CXorf66: variants seen among roughly 807,000 people sequenced by gnomAD.
The protein encoded by CXorf66 is chromosome X open reading frame 66, also known as uncharacterized protein CXorf66.
A neutral mutation model predicts 5.0 loss-of-function variants in CXorf66; 6 were observed. The ratio of observed to expected loss-of-function variants is 1.20; its 90% CI spans 0.65 to 2.36. CXorf66 has a LOEUF of 2.36. CXorf66 is among the 30% of genes most tolerant of loss of function. The pLI is 0.00. For synonymous variants in CXorf66, 98 were observed against 102.8 expected (o/e 0.95, Z 0.28); for missense variants, 270 against 254.9 (o/e 1.06, Z -0.40).
rs189569862 is a variant in CXorf66, at chrX:139,963,080, G to A, written c.88+2329C>T. 9.1e-4 allele frequency among the ~76,000 whole-genome samples: 101 copies of A among 111,374 alleles called. 1 individual carries two copies. The highest frequency in any genetic ancestry group is 2.9e-3 in the African/African-American group (90 of 30,663). On this transcript the variant is annotated intron_variant, in intron 1 of 2. Transcript: ENST00000370540. ...TGGAACTTCTGGCCAGGGCAATCGG[G>A]CCAGAAATAAAAGCGTATTCAAATA...
intron 2 of CXorf66, 31 bp downstream of exon 2, chrX:139,958,033 C>T (rs1254569806): frequency 1.7e-6 from 2 of 1,165,069 alleles, no homozygotes; most frequent in Admixed American, 2.5e-5. Flanking sequence ...ACACACACCT[C>T]GCACTCTTAA....
intron 1 of CXorf66, among the ~76,000 whole-genome samples, chrX:139,959,832 C>T (rs764114647): frequency 9.0e-6 from 1 of 111,508 alleles, no homozygotes; most frequent in Non-Finnish European, 1.9e-5. Flanking sequence ...AGAAGAGGGG[C>T]CTGATTGTTA....
intron 1 of CXorf66, among the ~76,000 whole-genome samples, chrX:139,958,831 C>G (rs1261616788): frequency 1.8e-5 from 2 of 112,167 alleles, no homozygotes; most frequent in African/African-American, 6.5e-5. Context: ...GTGCAAGGAG[C>G]CAGGGGCCTC....
chrX:139,956,078 T>A lies in CXorf66; in HGVS notation c.904A>T (p.Lys302Ter). ...KNTQNLHVSS[K>*]VKSSSRSFRK... ...AAGGACCTGGAAGAGGACTTGACTT[T>A]GCTTGAAACATGTAGGTTTTGAGTG... is the stretch of plus-strand genomic sequence containing the variant. Residue 302 changes from lysine (K) to a stop codon, truncating the protein, a stop_gained, in exon 3 of 3, where the codon AAA (lysine) becomes TAA (stop). Transcript: ENST00000370540. LOFTEE classifies it low-confidence loss of function (END_TRUNC). 8.3e-7 allele frequency: 1 copy of A among 1,211,347 alleles called. No individual in the cohort carries two copies. Among genetic ancestry groups the A allele is most frequent in the African/African-American group, 1.7e-5 (1 of 57,916 alleles).
Position 139,958,070 on chromosome X carries a change from G to C in CXorf66, c.236C>G (p.Ala79Gly). 1 of 1,197,807 alleles carries C rather than the reference G, an allele frequency of 8.3e-7. No individual in the cohort carries two copies. The highest frequency in any genetic ancestry group is 1.1e-6 in the Non-Finnish European group (1 of 890,069). The change falls in exon 2 of 3, where the codon GCA (alanine) becomes GGA (glycine). Residue 79 changes from alanine (A) to glycine (G), a missense_variant. Ala to Gly is a moderately conservative substitution (Grantham distance 60). Transcript: ENST00000370540. ...TTAAAGGAGTAAAACTTACATTCCT[G>C]CTTTGGACGCATCATCGCTCAGACA... ...YNCLSDDASKAGMVKKKGIAA... is the reference protein window; with the variant it reads ...YNCLSDDASKGGMVKKKGIAA...
chrX:139,957,027 G>A lies in CXorf66; in HGVS notation c.243-288C>T, dbSNP rs769340285. 6.3e-5 allele frequency among the ~76,000 whole-genome samples: 7 copies of A among 110,823 alleles called. No homozygotes were observed. The South Asian group carries it at 2.7e-3, about 43-fold the overall frequency. The stretch of plus-strand genomic sequence containing the variant: ...CTAAAAATACAAAAATTAGCCTGGT[G>A]TGGTGGCGCACACCTGTAGTCCCCA... On this transcript the variant is annotated intron_variant, in intron 2 of 2. Transcript: ENST00000370540.
chrX:139,961,840 T>G (rs2085594469), intron 1 of CXorf66, among the ~76,000 whole-genome samples: 1 of 111,458 alleles, frequency 9.0e-6, no homozygotes, highest in Non-Finnish European at 1.9e-5. Context: ...ATAACAAAAT[T>G]AAGTCAGAAA....
intron 1 of CXorf66, among the ~76,000 whole-genome samples, chrX:139,961,267 C>G (rs1436256965): frequency 9.0e-6 from 1 of 111,477 alleles, no homozygotes; most frequent in Non-Finnish European, 1.9e-5. Flanking sequence ...CCAAAAAAAG[C>G]AGGGGTTGCA....
At chrX:139,958,433 G>T (rs2085581874) in intron 1 of CXorf66, among the ~76,000 whole-genome samples, 1 of 111,501 alleles carries the variant, frequency 9.0e-6, no homozygotes, top group Admixed American at 9.5e-5. Flanking sequence ...CCATTACCTG[G>T]GTTATCCCTG....
chrX:139,959,837 T>C (rs6654178), intron 1 of CXorf66, among the ~76,000 whole-genome samples: 16,552 of 110,946 alleles, frequency 0.15, 1,220 homozygotes, highest in East Asian at 0.39. Flanking sequence ...AGGGGCCTGA[T>C]TGTTAGAAGA....
At position 139,958,166 on chromosome X, in the gene CXorf66, T is replaced by C. The variant is rs2085580788; in HGVS notation, c.140A>G (p.Asn47Ser). ...GATAATACCAACTAAAATGAGTAGA[T>C]TTCTTCTAAGGTAGTTCAATTTTGT... ...MQTKLNYLRR[N>S]LLILVGIIIM... is the part of the protein sequence containing the mutation. Residue 47 changes from asparagine to serine, a missense_variant, in exon 2 of 3, where the codon AAT (asparagine) becomes AGT (serine). Asn to Ser is a conservative substitution (Grantham distance 46). Transcript: ENST00000370540. 2 of 1,197,822 alleles carry C rather than the reference T, an allele frequency of 1.7e-6. No individual in the cohort carries two copies. Among genetic ancestry groups the C allele is most frequent in the Non-Finnish European group, 2.3e-6 (2 of 887,655 alleles).
Position 139,958,173 on chromosome X carries a change from T to G in CXorf66, c.133A>C (p.Arg45=), listed in dbSNP as rs2085580835. The G allele has an allele frequency of 8.4e-7, 1 of 1,195,178 alleles. No homozygotes were observed. The highest frequency in any genetic ancestry group is 1.7e-5 in the African/African-American group (1 of 57,328). The change falls in exon 2 of 3, where the codon AGA becomes CGA. Residue 45 remains arginine, a synonymous_variant. Transcript: ENST00000370540. The stretch of plus-strand genomic sequence containing the variant: ...CCAACTAAAATGAGTAGATTTCTTC[T>G]AAGGTAGTTCAATTTTGTCTGCATT... ...ESMQTKLNYL[R]RNLLILVGII...
At chrX:139,962,771 C>T (rs185493217) in intron 1 of CXorf66, among the ~76,000 whole-genome samples, 2 of 111,701 alleles carry the variant, frequency 1.8e-5, no homozygotes, top group Admixed American at 1.9e-4. Context: ...GTTCAACAAA[C>T]GTAAATCAAT....
intron 1 of CXorf66, among the ~76,000 whole-genome samples, 165 bp from the exon 2 acceptor site, chrX:139,958,382 T>C (rs1000204301): frequency 1.1e-4 from 12 of 111,939 alleles, no homozygotes; most frequent in Admixed American, 4.7e-4. Context: ...ATCCAGCCAG[T>C]CCAGAAGCTA....
intron 2 of CXorf66, 58 bp downstream of exon 2, chrX:139,958,006 C>T (rs895348985): frequency 8.5e-6 from 9 of 1,060,061 alleles, no homozygotes; most frequent in Non-Finnish European, 1.1e-5. Context: ...AATGAAACCT[C>T]CGCTATATGT....
chrX:139,959,631 A>AGGCCTCCCG (rs2085586366), intron 1 of CXorf66, among the ~76,000 whole-genome samples: 1 of 112,150 alleles, frequency 8.9e-6, no homozygotes, highest in African/African-American at 3.2e-5. Context: ...CCGGATGGAG[A>AGGCCTCCCG]GACCTCCCAG....
chrX:139,960,049 G>C (rs1352246834), intron 1 of CXorf66, among the ~76,000 whole-genome samples: 1 of 110,441 alleles, frequency 9.1e-6, no homozygotes, highest in Non-Finnish European at 1.9e-5. Flanking sequence ...TCTCCAGCAA[G>C]GGCACAAAAC....
In CXorf66 at chrX:139,956,131, T is replaced by C; in HGVS notation, c.851A>G (p.Asn284Ser). ...LVAKTYRPLV[N>S]DISEAKEKNT... ...TTTCTCCTTTGCCTCAGAAATATCA[T>C]TGACCAAAGGCCTATAAGTTTTGGC... The change falls in exon 3 of 3, where the codon AAT becomes AGT. Residue 284 changes from asparagine to serine, a missense_variant. By Grantham distance (46) the Asn-to-Ser change is conservative. Transcript: ENST00000370540. The C allele has an allele frequency of 8.3e-7, 1 of 1,211,844 alleles. No homozygotes were observed.
At position 139,956,602 on chromosome X, in the gene CXorf66, CTTTCTGG is replaced by C. The variant is rs777020647; in HGVS notation, c.373_379del (p.Pro125GlyfsTer11). 1.7e-6 allele frequency: 2 copies of C among 1,209,304 alleles called. No homozygotes were observed. Among genetic ancestry groups the C allele is most frequent in the East Asian group, 5.9e-5 (2 of 33,731 alleles). Reference sequence around the variant, plus strand: ...TTCTGTGCTGGATTGTGCGGATGCCCTTTCTGGACTCGATGAATCAGATGACTTGTCT... The same window carrying C: ...TTCTGTGCTGGATTGTGCGGATGCCCACTCGATGAATCAGATGACTTGTCT... On this transcript the variant is annotated frameshift_variant, in exon 3 of 3. Transcript: ENST00000370540. LOFTEE classifies it low-confidence loss of function (END_TRUNC).
Sources: allele counts gnomAD v4.1 joint callset (sites outside exome capture counted in the v4.1 genomes callset), GRCh38; gene constraint gnomAD v4.1.1; transcripts MANE v1.5; gene names NCBI Gene and HGNC (gene_info 2026-07-23, HGNC 2026-07-21).